TXNDC9: variants seen among roughly 807,000 people sequenced by gnomAD.
The protein encoded by TXNDC9 is thioredoxin domain-containing protein 9.
In TXNDC9, 7 loss-of-function variants were observed where a neutral mutation model predicts 23.0. That is an observed-to-expected ratio of 0.30 (90% confidence interval 0.17 to 0.57). The LOEUF is 0.57. Among genes scored for constraint, TXNDC9 ranks in the 20% least tolerant of loss-of-function variants. The pLI, the probability that TXNDC9 is intolerant of heterozygous loss-of-function variation, is 0.90. For synonymous variants in TXNDC9, 72 were observed against 90.6 expected (o/e 0.79, Z 1.17); for missense variants, 198 against 252.6 (o/e 0.78, Z 1.47).
At chr2:99,328,746 C>T (rs1315676394) in intron 2 of TXNDC9, among the ~76,000 whole-genome samples, 2 of 151,738 alleles carry the variant, frequency 1.3e-5, no homozygotes, top group South Asian at 2.1e-4. Flanking sequence ...GAGGCTGAGG[C>T]GGCTGGATCA....
intron 3 of TXNDC9, chr2:99,322,886 C>A (rs963703083): frequency 6.1e-5 from 23 of 379,072 alleles, no homozygotes; most frequent in Non-Finnish European, 8.7e-5. Context: ...CTCAGCCTCC[C>A]AAGTAGCTGG....
rs932293599 is a variant in TXNDC9, at chr2:99,336,266, G to C, written c.-60C>G. The C allele has an allele frequency of 3.1e-6, 3 of 983,206 alleles. No individual in the cohort carries two copies. The African/African-American group carries it at 5.3e-5, about 17-fold the overall frequency. The allele number at this position is 983,206 out of a possible 1,614,324, so 60.9% of individuals were successfully genotyped here. Reference sequence around the variant, plus strand: ...GAGCTCTCGGTGACGCCTGAGAAGTGAAAGAGCAGCAGTTTCAAAAGACAC... The same window carrying C: ...GAGCTCTCGGTGACGCCTGAGAAGTCAAAGAGCAGCAGTTTCAAAAGACAC... On this transcript the variant is annotated 5_prime_UTR_variant, in exon 1 of 5. Coordinates refer to ENST00000264255, the MANE Select transcript of TXNDC9 (RefSeq NM_005783.4).
chr2:99,322,294 T>G (rs2094203641), intron 3 of TXNDC9, 85 bp from the exon 4 acceptor site: 1 of 1,500,954 alleles, frequency 6.7e-7, no homozygotes. Flanking sequence ...GAAATCTAAT[T>G]ATGTAGTTTT....
intron 1 of TXNDC9, among the ~76,000 whole-genome samples, chr2:99,334,177 C>G (rs1433424423): frequency 1.3e-5 from 2 of 152,216 alleles, no homozygotes; most frequent in East Asian, 3.9e-4. Context: ...ATGATGGAAC[C>G]CTGTCTCTAC....
intron 3 of TXNDC9, among the ~76,000 whole-genome samples, chr2:99,324,961 G>T (rs1419995365): frequency 6.6e-6 from 1 of 152,182 alleles, no homozygotes; most frequent in Non-Finnish European, 1.5e-5. Flanking sequence ...GGCCAGGATG[G>T]CCTTGATCTC....
chr2:99,317,566 G>T (rs545960838), downstream of TXNDC9, among the ~76,000 whole-genome samples: 24 of 152,130 alleles, frequency 1.6e-4, no homozygotes, highest in East Asian at 4.6e-3. Flanking sequence ...TTCGGGAAAG[G>T]TTCTAGTTAG....
chr2:99,314,821 G>T (rs1453385096), downstream of TXNDC9, among the ~76,000 whole-genome samples: 1 of 151,232 alleles, frequency 6.6e-6, no homozygotes, highest in East Asian at 1.9e-4. Flanking sequence ...GACAGTTAAT[G>T]ATTTGAGCAT....
chr2:99,307,108 C>G, the TXNDC9 span, among the ~76,000 whole-genome samples: 1 of 119,668 alleles, frequency 8.4e-6, no homozygotes, highest in Non-Finnish European at 1.8e-5. Flanking sequence ...CTCTCCTTCT[C>G]ACTCTCTCTC....
chr2:99,331,350 C>T (rs967445444), intron 2 of TXNDC9, among the ~76,000 whole-genome samples: 1 of 151,656 alleles, frequency 6.6e-6, no homozygotes, highest in Non-Finnish European at 1.5e-5. Flanking sequence ...CTGAGGCAGG[C>T]GGATCATTTG....
the TXNDC9 span, among the ~76,000 whole-genome samples, chr2:99,313,954 A>G: frequency 6.6e-6 from 1 of 152,208 alleles, no homozygotes; most frequent in African/African-American, 2.4e-5. Context: ...GTTACTTTTT[A>G]GTATATATTT....
chr2:99,306,701 A>C, the TXNDC9 span: 1 of 413,666 alleles, frequency 2.4e-6, no homozygotes, highest in Non-Finnish European at 4.9e-6. Flanking sequence ...ATCTCTCCCC[A>C]CATTGCTGAA....
At chr2:99,322,808 C>A in intron 3 of TXNDC9, 1 of 1,084,268 alleles carries the variant, frequency 9.2e-7, no homozygotes, top group South Asian at 2.8e-5. Context: ...GTCCCCCAGG[C>A]TGGAGTGCAG....
At chr2:99,332,982 A>G (rs1214029982) in intron 2 of TXNDC9, 40 bp downstream of exon 2, 2 of 1,511,546 alleles carry the variant, frequency 1.3e-6, no homozygotes, top group Non-Finnish European at 1.8e-6. Context: ...TTAGGCGCAT[A>G]CTGTTATAGC....
chr2:99,334,233 C>T (rs1054092700), intron 1 of TXNDC9, among the ~76,000 whole-genome samples: 1 of 151,966 alleles, frequency 6.6e-6, no homozygotes, highest in South Asian at 2.1e-4. Context: ...TGCCTGTAGT[C>T]CCCGCTACTA....
Position 99,319,555 on chromosome 2 carries a change from T to C in TXNDC9, c.*127A>G, listed in dbSNP as rs2094196692. On this transcript the variant is annotated 3_prime_UTR_variant, in exon 5 of 5. Transcript: ENST00000264255. Reference sequence around the variant, plus strand: ...ACAGTAAAGACACTTTTCGATGTGATACAACTGTATAAAACTCGAGAATAT... The same window carrying C: ...ACAGTAAAGACACTTTTCGATGTGACACAACTGTATAAAACTCGAGAATAT... 1 of 692,068 alleles carries C rather than the reference T, an allele frequency of 1.4e-6. No individual in the cohort carries two copies. Among genetic ancestry groups the C allele is most frequent in the Non-Finnish European group, 2.5e-6 (1 of 406,444 alleles). The allele number at this position is 692,068 out of a possible 1,614,324, so 42.9% of individuals were successfully genotyped here. A position where few individuals can be genotyped will look rare whatever the true frequency, so the allele number is the denominator to read the frequency against.
chr2:99,332,735 C>A, intron 2 of TXNDC9: 1 of 305,678 alleles, frequency 3.3e-6, no homozygotes, highest in Non-Finnish European at 6.0e-6. Flanking sequence ...GAAATGGAAA[C>A]CAATGACTCC....
intron 2 of TXNDC9, among the ~76,000 whole-genome samples, chr2:99,328,619 A>G (rs983782111): frequency 2.6e-5 from 4 of 152,122 alleles, no homozygotes; most frequent in Non-Finnish European, 5.9e-5. Flanking sequence ...AACTCTATCC[A>G]TGTACTCTTA....
chr2:99,314,973 G>T (rs986812068), downstream of TXNDC9, among the ~76,000 whole-genome samples: 2 of 141,684 alleles, frequency 1.4e-5, no homozygotes, highest in African/African-American at 5.3e-5. Context: ...TCGGCTCACT[G>T]CAAGCTCCAC....
In TXNDC9 at chr2:99,327,384, T is replaced by C. The variant is rs976765464; in HGVS notation, c.308+151A>G. On this transcript the variant is annotated intron_variant, in intron 3 of 4. Transcript: ENST00000264255. ...TCACTGGGCCCCTGCCTGCTTAACT[T>C]AATACTAAATAACATATGAGAGAGT... The C allele has an allele frequency of 6.8e-6, 4 of 592,418 alleles. 1 individual carries two copies. The highest frequency in any genetic ancestry group is 6.4e-5 in the Admixed American group (2 of 31,344). 36.7% of individuals were successfully genotyped at this position (592,418 alleles called of 1,614,324 possible).
Sources: gnomAD v4.1 joint callset for allele counts (sites outside exome capture counted in the v4.1 genomes callset) on GRCh38, gnomAD v4.1.1 for gene constraint, MANE v1.5 for transcripts, NCBI Gene and HGNC (gene_info 2026-07-23, HGNC 2026-07-21) for gene names.